RPTOR: variants seen among roughly 807,000 people sequenced by gnomAD.
RPTOR encodes regulatory-associated protein of mTOR.
In RPTOR, 21 loss-of-function variants were observed where a neutral mutation model predicts 169.9. The ratio of observed to expected loss-of-function variants is 0.12; its 90% CI spans 0.09 to 0.18. RPTOR has a LOEUF of 0.18. Among genes scored for constraint, RPTOR ranks in the 10% least tolerant of loss-of-function variants. The pLI is 1.00. For synonymous variants in RPTOR, 732 were observed against 753.2 expected, an observed-to-expected ratio of 0.97 and a Z score of 0.46; for missense variants, 1,133 against 1,855.9, an observed-to-expected ratio of 0.61 and a Z score of 7.16.
At chr17:80,963,776 G>T (rs1458742998) in intron 33 of RPTOR, among the ~76,000 whole-genome samples, 2 of 138,340 alleles carry the variant, frequency 1.4e-5, no homozygotes, top group African/African-American at 5.7e-5. Context: ...CCCCTCTGCG[G>T]CCCTCACCCC....
chr17:80,846,639 A>G, intron 11 of RPTOR, 65 bp downstream of exon 11: 2 of 1,360,472 alleles, frequency 1.5e-6, no homozygotes, highest in South Asian at 2.4e-5. Flanking sequence ...ATGCCTGTAC[A>G]GCCCCGGGAG....
chr17:80,669,988 G>T (rs1358729902), intron 3 of RPTOR, among the ~76,000 whole-genome samples: 1 of 152,154 alleles, frequency 6.6e-6, no homozygotes, highest in African/African-American at 2.4e-5. Flanking sequence ...CTTTAGATTT[G>T]TCTTGTCTGA....
chr17:80,662,192 T>C (rs1360469367), intron 3 of RPTOR, among the ~76,000 whole-genome samples: 2 of 152,132 alleles, frequency 1.3e-5, no homozygotes, highest in South Asian at 2.1e-4. Context: ...CAGCCCCCTT[T>C]CCAGTCAGTT....
intron 21 of RPTOR, among the ~76,000 whole-genome samples, chr17:80,919,556 G>A (rs1567986777): frequency 6.6e-6 from 1 of 152,196 alleles, no homozygotes; most frequent in African/African-American, 2.4e-5. Flanking sequence ...ATCTGCATTG[G>A]ATCAGACGCC....
rs76179531 is a variant in RPTOR at position 80,782,082 on chromosome 17, G to C, written c.831-9368G>C. On this transcript the variant is annotated intron_variant, in intron 6 of 33. Transcript: ENST00000306801. ...AGCCTACAGCAGCACCGTTCCCCCAGGGTATCGCTGGCCTGTGTTTCACAT... is the reference window on the plus strand; with the variant it reads ...AGCCTACAGCAGCACCGTTCCCCCACGGTATCGCTGGCCTGTGTTTCACAT... Among the ~76,000 whole-genome samples the C allele has an allele frequency of 5.6e-4, 86 of 152,322 alleles. 1 individual carries two copies. In the East Asian group the frequency reaches 0.015, roughly 27 times the overall value.
At chr17:80,690,856 G>A (rs1259092457) in intron 3 of RPTOR, among the ~76,000 whole-genome samples, 6 of 152,070 alleles carry the variant, frequency 3.9e-5, no homozygotes, top group East Asian at 1.9e-4. Flanking sequence ...GTGCAGTGGC[G>A]CAAACATGGC....
In RPTOR at chr17:80,878,698, C is replaced by T. The variant is rs1384495870; in HGVS notation, c.1510-1717C>T. Among the ~76,000 whole-genome samples the T allele has an allele frequency of 6.6e-6, 1 of 152,174 alleles. No individual in the cohort carries two copies. The highest frequency in any genetic ancestry group is 1.5e-5 in the Non-Finnish European group (1 of 68,044). ...GGTCCCTGACTAGTAAGAGGGAGAA[C>T]CTGGACTTGAAACTTAGTTTTGTTT... On this transcript the variant is annotated intron_variant, in intron 13 of 33. Coordinates refer to ENST00000306801, the MANE Select transcript of RPTOR (RefSeq NM_020761.3). This position sits in a 1 kb window ranked among gnomAD's most constrained non-coding sequence, Gnocchi z 4.1.
At chr17:80,943,507 G>T (rs2069059729) in intron 25 of RPTOR, among the ~76,000 whole-genome samples, 1 of 152,126 alleles carries the variant, frequency 6.6e-6, no homozygotes, top group Non-Finnish European at 1.5e-5. Context: ...TGGATCCCAG[G>T]TTCTACCCCA....
intron 12 of RPTOR, among the ~76,000 whole-genome samples, chr17:80,856,548 A>C (rs1374630492): frequency 6.6e-6 from 1 of 152,204 alleles, no homozygotes; most frequent in Non-Finnish European, 1.5e-5. Flanking sequence ...ACTTGGAAGA[A>C]TCATTCAGCA....
chr17:80,567,292 AT>A (rs954598679), intron 1 of RPTOR, among the ~76,000 whole-genome samples: 96 of 143,474 alleles, frequency 6.7e-4, no homozygotes, highest in Admixed American at 5.6e-4. Context: ...GTTTTATTTT[AT>A]TTTTTTTTTT....
At chr17:80,671,163 C>T (rs1567849521) in intron 3 of RPTOR, among the ~76,000 whole-genome samples, 1 of 152,224 alleles carries the variant, frequency 6.6e-6, no homozygotes, top group South Asian at 2.1e-4. Flanking sequence ...ACCATCTCTG[C>T]CGTGTTGCTC....
In RPTOR at chr17:80,726,760, A is replaced by G. The variant is rs2066338780; in HGVS notation, c.508-3800A>G. Reference sequence around the variant, plus strand: ...TGCTGTTCGCTAAGCCCAGAACATTATAGGAGGTAAATAAATAGCACGCAG... The same window carrying G: ...TGCTGTTCGCTAAGCCCAGAACATTGTAGGAGGTAAATAAATAGCACGCAG... On this transcript the variant is annotated intron_variant, in intron 4 of 33. Coordinates refer to ENST00000306801, the MANE Select transcript of RPTOR (RefSeq NM_020761.3). This position sits in a 1 kb window ranked among gnomAD's most constrained non-coding sequence, Gnocchi z 4.5. 6.6e-6 allele frequency among the ~76,000 whole-genome samples: 1 copy of G among 152,154 alleles called. No homozygotes were observed. Among genetic ancestry groups the G allele is most frequent in the Admixed American group, 6.5e-5 (1 of 15,284 alleles).
rs1361291795 is a variant in RPTOR, at chr17:80,823,774, T to C, written c.1136+551T>C. ...ATACAACTCCTATTAGTAGTAACAG[T>C]GACAATAATGTGATTTGTTTTTAGT... On this transcript the variant is annotated intron_variant, in intron 9 of 33. Coordinates refer to ENST00000306801, the MANE Select transcript of RPTOR (RefSeq NM_020761.3). The surrounding 1 kb of genome is among the most constrained non-coding windows in gnomAD (Gnocchi z 4.5). 6.6e-6 allele frequency among the ~76,000 whole-genome samples: 1 copy of C among 152,164 alleles called. No individual in the cohort carries two copies. Among genetic ancestry groups the C allele is most frequent in the African/African-American group, 2.4e-5 (1 of 41,412 alleles).
At chr17:80,920,555 C>T (rs1051762052) in intron 21 of RPTOR, among the ~76,000 whole-genome samples, 16 of 152,250 alleles carry the variant, frequency 1.1e-4, no homozygotes, top group Non-Finnish European at 2.2e-4. Context: ...GTGGGCAGAG[C>T]AGAGGGTTCG....
intron 2 of RPTOR, among the ~76,000 whole-genome samples, chr17:80,636,109 A>T (rs2065504103): frequency 6.6e-6 from 1 of 152,142 alleles, no homozygotes; most frequent in Non-Finnish European, 1.5e-5. Context: ...GCTGTGCTAC[A>T]CATTTAACTG....
chr17:80,678,878 G>GC (rs1311022095), intron 3 of RPTOR, among the ~76,000 whole-genome samples: 1 of 152,224 alleles, frequency 6.6e-6, no homozygotes, highest in African/African-American at 2.4e-5. Context: ...TGTCATCGCA[G>GC]CCCTCTGCTG....
intron 20 of RPTOR, among the ~76,000 whole-genome samples, chr17:80,902,428 G>A (rs368722215): frequency 5.3e-4 from 81 of 152,304 alleles, no homozygotes; most frequent in African/African-American, 1.8e-3. Flanking sequence ...TGGTCTTGCC[G>A]GGAGGTTGCC....
chr17:80,863,999 A>C (rs4969221), intron 13 of RPTOR, among the ~76,000 whole-genome samples: 9,544 of 152,204 alleles, frequency 0.063, 1,035 homozygotes, highest in African/African-American at 0.22. Context: ...AATTAAAAGA[A>C]TATTATTCCA....
At chr17:80,933,510 TAGGTC>T (rs1369941800) in intron 24 of RPTOR, among the ~76,000 whole-genome samples, 8 of 152,342 alleles carry the variant, frequency 5.3e-5, no homozygotes, top group African/African-American at 1.9e-4. Context: ...CACACATTCA[TAGGTC>T]AGAAGACTAA....
Sources: allele counts gnomAD v4.1 joint callset (sites outside exome capture counted in the v4.1 genomes callset), GRCh38; gene constraint gnomAD v4.1.1; non-coding constraint Gnocchi (gnomAD v3.1); transcripts MANE v1.5; gene names NCBI Gene and HGNC (gene_info 2026-07-23, HGNC 2026-07-21).